The following XRCC4 variants were observed in gnomAD, a reference collection of about 807,000 sequenced individuals.
XRCC4 encodes X-ray repair cross complementing 4, also known as DNA repair protein XRCC4.
In XRCC4, 28 loss-of-function variants were observed where a neutral mutation model predicts 39.1. The observed-to-expected ratio is 0.72, with a 90% CI of 0.53 to 0.98. The LOEUF is 0.98. Ranked by LOEUF, XRCC4 falls within the 50% of genes least tolerant of loss-of-function variation. XRCC4 has a pLI of 0.00. For synonymous variants in XRCC4, 123 were observed against 126.4 expected (o/e 0.97, Z 0.18); for missense variants, 350 against 376.4 (o/e 0.93, Z 0.58).
chr5:83,254,028 G>A (rs542093696), intron 6 of XRCC4, among the ~76,000 whole-genome samples: 8 of 151,140 alleles, frequency 5.3e-5, no homozygotes, highest in African/African-American at 1.9e-4. Flanking sequence ...TTCATCCCAC[G>A]GCCATACCAA....
At chr5:83,096,698 A>G (rs918746786) in intron 1 of XRCC4, among the ~76,000 whole-genome samples, 8 of 152,306 alleles carry the variant, frequency 5.3e-5, no homozygotes, top group Admixed American at 5.2e-4. Context: ...TGGAAACTTT[A>G]TACCCAGTGT....
intron 3 of XRCC4, among the ~76,000 whole-genome samples, chr5:83,185,988 A>T (rs555434382): frequency 1.3e-5 from 2 of 152,302 alleles, no homozygotes; most frequent in East Asian, 1.9e-4. Context: ...ATGTATGACA[A>T]AGTATTAATT....
At chr5:83,174,252 G>C (rs868057469) in intron 3 of XRCC4, among the ~76,000 whole-genome samples, 1 of 152,058 alleles carries the variant, frequency 6.6e-6, no homozygotes, top group Admixed American at 6.5e-5. Flanking sequence ...TTTAACCATG[G>C]CTATAAGTGC....
intron 7 of XRCC4, among the ~76,000 whole-genome samples, chr5:83,283,075 C>CA (rs1364019864): frequency 1.4e-5 from 2 of 145,868 alleles, no homozygotes; most frequent in Non-Finnish European, 3.0e-5. Flanking sequence ...AAGGTTTTTG[C>CA]AAAAAAACAA....
At chr5:83,225,651 G>A (rs1032422448) in intron 6 of XRCC4, among the ~76,000 whole-genome samples, 1 of 151,128 alleles carries the variant, frequency 6.6e-6, no homozygotes, top group Non-Finnish European at 1.5e-5. Context: ...TTATCTCTGG[G>A]GTGAGCTGGA....
intron 6 of XRCC4, among the ~76,000 whole-genome samples, chr5:83,254,516 A>G (rs1246689623): frequency 6.6e-6 from 1 of 152,206 alleles, no homozygotes; most frequent in African/African-American, 2.4e-5. Context: ...ATGAGATGCC[A>G]GACTTGAAAG....
chr5:83,141,014 G>A (rs1263904533), intron 3 of XRCC4, among the ~76,000 whole-genome samples: 3 of 152,144 alleles, frequency 2.0e-5, no homozygotes, highest in Admixed American at 2.0e-4. Context: ...GTACAAATGA[G>A]TATGCACATT....
chr5:83,308,415 A>G (rs1247096406), intron 7 of XRCC4, among the ~76,000 whole-genome samples: 1 of 152,190 alleles, frequency 6.6e-6, no homozygotes, highest in Admixed American at 6.5e-5. Flanking sequence ...AACATATTAT[A>G]AAATTGGGCC....
At chr5:83,206,001 A>G (rs963152887) in intron 6 of XRCC4, among the ~76,000 whole-genome samples, 2 of 152,124 alleles carry the variant, frequency 1.3e-5, no homozygotes, top group Admixed American at 1.3e-4. Flanking sequence ...AATCTGGATA[A>G]AGTAGAAAGA....
At chr5:83,222,944 T>C (rs1455622066) in intron 6 of XRCC4, among the ~76,000 whole-genome samples, 1 of 152,040 alleles carries the variant, frequency 6.6e-6, no homozygotes, top group Non-Finnish European at 1.5e-5. Context: ...GATGAGATTT[T>C]GCCATGTTGC....
At chr5:83,082,361 A>G (rs1168501685) in intron 1 of XRCC4, among the ~76,000 whole-genome samples, 1 of 152,212 alleles carries the variant, frequency 6.6e-6, no homozygotes. Flanking sequence ...AATAAAGTCT[A>G]TGGTTTAGTT....
chr5:83,192,413 T>C (rs1409151618), intron 3 of XRCC4, among the ~76,000 whole-genome samples: 5 of 151,482 alleles, frequency 3.3e-5, no homozygotes, highest in Admixed American at 6.6e-5. Flanking sequence ...GTTCAAGCAA[T>C]TCTCCTGCCT....
rs1025085642 is a variant in XRCC4, at chr5:83,121,229, T to C, written c.315+10026T>C. Among the ~76,000 whole-genome samples, 3 of 152,230 alleles carry C rather than the reference T, an allele frequency of 2.0e-5. No homozygotes were observed. In the East Asian group the frequency reaches 5.8e-4, roughly 29 times the overall value. On this transcript the variant is annotated intron_variant, in intron 3 of 7. Transcript: ENST00000396027. ...TTGGGTTGCTTCCAGTTTTGGACTATAACCAATAAAGCTGCTATGAACATT... is the reference window on the plus strand; with the variant it reads ...TTGGGTTGCTTCCAGTTTTGGACTACAACCAATAAAGCTGCTATGAACATT...
chr5:83,109,501 A>G (rs973666275), intron 2 of XRCC4, among the ~76,000 whole-genome samples: 1 of 151,950 alleles, frequency 6.6e-6, no homozygotes. Context: ...ACCATATGAG[A>G]CTTTTATCAT....
intron 3 of XRCC4, among the ~76,000 whole-genome samples, chr5:83,182,431 T>G (rs1750247228): frequency 6.6e-6 from 1 of 152,192 alleles, no homozygotes; most frequent in Non-Finnish European, 1.5e-5. Context: ...TTGTGTAACT[T>G]AAAGCCTAAT....
rs28565479 is a variant in XRCC4 at position 83,191,620 on chromosome 5, A to T, written c.316-4150A>T. Reference sequence around the variant, plus strand: ...GAGGCTGAGGCAGGAGAATCACTTGAACCCAGGAGGCAGAGGTTGCAGTGA... The same window carrying T: ...GAGGCTGAGGCAGGAGAATCACTTGTACCCAGGAGGCAGAGGTTGCAGTGA... On this transcript the variant is annotated intron_variant, in intron 3 of 7. Coordinates refer to ENST00000396027, the MANE Select transcript of XRCC4 (RefSeq NM_003401.5). Among the ~76,000 whole-genome samples the T allele has an allele frequency of 3.1e-3, 472 of 152,302 alleles. 2 individuals carry two copies. Among genetic ancestry groups the T allele is most frequent in the African/African-American group, 0.011 (450 of 41,566 alleles).
chr5:83,334,522 A>G (rs1050837405), intron 7 of XRCC4, among the ~76,000 whole-genome samples: 7 of 152,074 alleles, frequency 4.6e-5, no homozygotes, highest in Non-Finnish European at 1.0e-4. Flanking sequence ...GAGGTTATTG[A>G]AAATGATCAA....
At chr5:83,254,946 G>C (rs554523409) in intron 6 of XRCC4, among the ~76,000 whole-genome samples, 1 of 152,098 alleles carries the variant, frequency 6.6e-6, no homozygotes, top group East Asian at 1.9e-4. Context: ...AATTAGCCGG[G>C]CATGGTGGCA....
intron 7 of XRCC4, among the ~76,000 whole-genome samples, chr5:83,348,125 T>A (rs1221008202): frequency 2.6e-5 from 4 of 152,106 alleles, no homozygotes; most frequent in Admixed American, 2.6e-4. Flanking sequence ...CATAGGCTGG[T>A]ATTGAGTGCC....
Sources: gnomAD v4.1 joint callset for allele counts (sites outside exome capture counted in the v4.1 genomes callset) on GRCh38, gnomAD v4.1.1 for gene constraint, MANE v1.5 for transcripts, NCBI Gene and HGNC (gene_info 2026-07-23, HGNC 2026-07-21) for gene names.